The following SECISBP2 variants were observed in gnomAD, a reference collection of about 807,000 sequenced individuals.
The protein encoded by SECISBP2 is SECIS binding protein 2.
A neutral mutation model predicts 98.2 loss-of-function variants in SECISBP2; 96 were observed. That is an observed-to-expected ratio of 0.98 (90% CI 0.83 to 1.16). The LOEUF (loss-of-function observed/expected upper bound fraction) is 1.16. SECISBP2 is among the 50% of genes most tolerant of loss of function. The pLI is 0.00. For missense variants in SECISBP2, 1,046 were observed against 1,022.9 expected, an observed-to-expected ratio of 1.02 and a Z score of -0.31; for synonymous variants, 407 against 370.2, an observed-to-expected ratio of 1.10 and a Z score of -1.14.
At chr9:89,345,282 C>T (rs1046897785) in intron 10 of SECISBP2, among the ~76,000 whole-genome samples, 1 of 152,196 alleles carries the variant, frequency 6.6e-6, no homozygotes, top group Non-Finnish European at 1.5e-5. Context: ...TTGCTGAAAT[C>T]ACTACTTTAA....
Position 89,325,988 on chromosome 9 carries a change from C to T in SECISBP2, c.524C>T (p.Ala175Val), listed in dbSNP as rs1176363256. The change falls in exon 4 of 17, where the codon GCT becomes GTT. Residue 175 changes from alanine (A) to valine (V), a missense_variant. Physicochemically the swap from Ala to Val is moderately conservative, Grantham distance 64 (BLOSUM62 0). Transcript: ENST00000375807. ...ACTATATCATCTGAGATAAAATCAG[C>T]TAGAGGTTCACATCATTTGTCCATT... ...DGTISSEIKSARGSHHLSIYA... is the reference protein window; with the variant it reads ...DGTISSEIKSVRGSHHLSIYA... 1 of 1,613,750 alleles carries T rather than the reference C, an allele frequency of 6.2e-7. No individual in the cohort carries two copies. Among genetic ancestry groups the T allele is most frequent in the African/African-American group, 1.3e-5 (1 of 74,918 alleles).
chr9:89,348,356 C>G (rs986411708), intron 12 of SECISBP2, 142 bp downstream of exon 12: 2 of 915,512 alleles, frequency 2.2e-6, no homozygotes, highest in African/African-American at 3.2e-5. Context: ...GAGCTCCCAG[C>G]TTTACAGGGA....
At chr9:89,355,019 C>T in intron 14 of SECISBP2, 1 of 985,434 alleles carries the variant, frequency 1.0e-6, no homozygotes, top group Non-Finnish European at 1.2e-6. Context: ...GAGGCTGCCT[C>T]CTCATCACTT....
chr9:89,341,563 A>C (rs1038397596), intron 10 of SECISBP2, 84 bp downstream of exon 10: 2 of 1,509,736 alleles, frequency 1.3e-6, no homozygotes, highest in East Asian at 2.3e-5. Flanking sequence ...CTTGTTATCA[A>C]AAGTTATTTA....
chr9:89,324,994 C>G, intron 2 of SECISBP2: 1 of 262,426 alleles, frequency 3.8e-6, no homozygotes. Context: ...CGCAGGATGT[C>G]ATGGTGGGCT....
intron 9 of SECISBP2, among the ~76,000 whole-genome samples, chr9:89,341,054 C>T (rs186369774): frequency 2.0e-5 from 3 of 151,964 alleles, no homozygotes; most frequent in Non-Finnish European, 2.9e-5. Flanking sequence ...TATACAAGTG[C>T]TAGTGTCTTG....
At position 89,348,992 on chromosome 9, in the gene SECISBP2, C is replaced by G. The variant is rs148617304; in HGVS notation, c.1738+778C>G. ...AGTGTTGTATGTGTCTTAAAGGACA[C>G]AAGCACTCGTTCCTGTGGGGCATTA... On this transcript the variant is annotated intron_variant, in intron 12 of 16. Transcript: ENST00000375807. 8.0e-3 allele frequency among the ~76,000 whole-genome samples: 1,214 copies of G among 152,362 alleles called. 16 individuals are homozygous for G. The highest frequency in any genetic ancestry group is 0.028 in the African/African-American group (1,146 of 41,576).
chr9:89,349,509 G>A (rs1296897209), intron 12 of SECISBP2, among the ~76,000 whole-genome samples: 2 of 152,218 alleles, frequency 1.3e-5, no homozygotes, highest in Non-Finnish European at 2.9e-5. Flanking sequence ...TAATATTGAT[G>A]TATATTTTAC....
intron 16 of SECISBP2, 83 bp from the exon 17 acceptor site, chr9:89,358,638 C>A (rs1832466823): frequency 1.1e-6 from 1 of 906,072 alleles, no homozygotes; most frequent in Admixed American, 1.9e-5. Flanking sequence ...CACAGGCTCC[C>A]TCTCTCATGC....
chr9:89,344,412 G>A (rs558330880), intron 10 of SECISBP2, among the ~76,000 whole-genome samples: 1 of 152,208 alleles, frequency 6.6e-6, no homozygotes, highest in African/African-American at 2.4e-5. Context: ...GTATTGCCTG[G>A]GTTGTCTTTC....
Position 89,359,141 on chromosome 9 carries a change from C to G in SECISBP2, c.*317C>G, listed in dbSNP as rs1832546999. ...AATACTTTGGCTGCTAAGGAAACTTCCTCTCCATTGCAGAATAGCTGAGCC... is the reference window on the plus strand; with the variant it reads ...AATACTTTGGCTGCTAAGGAAACTTGCTCTCCATTGCAGAATAGCTGAGCC... On this transcript the variant is annotated 3_prime_UTR_variant, in exon 17 of 17. Transcript: ENST00000375807. The G allele has an allele frequency of 2.7e-6, 1 of 366,704 alleles. No homozygotes were observed. Among genetic ancestry groups the G allele is most frequent in the Admixed American group, 4.0e-5 (1 of 24,980 alleles). The allele number at this position is 366,704 out of a possible 1,614,324, so 22.7% of individuals were successfully genotyped here.
At position 89,328,695 on chromosome 9, in the gene SECISBP2, A is replaced by G. The variant is rs1564341747; in HGVS notation, c.610A>G (p.Ile204Val). The change falls in exon 5 of 17, where the codon ATC (isoleucine) becomes GTC (valine). Residue 204 changes from isoleucine (I) to valine (V), a missense_variant. Physicochemically the swap from Ile to Val is conservative, Grantham distance 29. Coordinates refer to ENST00000375807, the MANE Select transcript of SECISBP2 (RefSeq NM_024077.5). ...TAAGCGAACAGACAGGAAATCCAGA[A>G]TCATTGCAAAAAATGTATCTACCTC... is the stretch of plus-strand genomic sequence containing the variant. ...YHKRTDRKSR[I>V]IAKNVSTSKP... is the part of the protein sequence containing the mutation. 6.2e-7 allele frequency: 1 copy of G among 1,614,092 alleles called. No homozygotes were observed. The highest frequency in any genetic ancestry group is 8.5e-7 in the Non-Finnish European group (1 of 1,180,020).
chr9:89,321,395 G>A (rs1443224794), intron 2 of SECISBP2, among the ~76,000 whole-genome samples: 1 of 152,246 alleles, frequency 6.6e-6, no homozygotes, highest in African/African-American at 2.4e-5. Flanking sequence ...GGCCGGGTGT[G>A]GTGGCTCATG....
intron 14 of SECISBP2, chr9:89,355,288 G>A: frequency 3.0e-6 from 3 of 985,452 alleles, no homozygotes; most frequent in Non-Finnish European, 3.6e-6. Flanking sequence ...CTGTAGGCCA[G>A]ATGCCTGGCC....
downstream of SECISBP2, among the ~76,000 whole-genome samples, chr9:89,360,631 C>T (rs942815175): frequency 6.6e-6 from 1 of 152,174 alleles, no homozygotes; most frequent in Non-Finnish European, 1.5e-5. Flanking sequence ...ACCAAACTCT[C>T]ATCACATGGT....
chr9:89,364,032 C>T (rs765960446), downstream of SECISBP2: 47 of 1,611,012 alleles, frequency 2.9e-5, no homozygotes, highest in Middle Eastern at 1.6e-4. Context: ...GGGGGGTTAC[C>T]TCTGCTGTCC....
downstream of SECISBP2, chr9:89,363,577 C>T (rs777527127): frequency 4.8e-5 from 77 of 1,609,614 alleles, no homozygotes; most frequent in Middle Eastern, 6.6e-4. Context: ...GCCTTTATGG[C>T]ACCCTTGATG....
chr9:89,346,774 G>C, intron 10 of SECISBP2, 108 bp from the exon 11 acceptor site: 1 of 1,297,766 alleles, frequency 7.7e-7, no homozygotes, highest in Non-Finnish European at 1.1e-6. Context: ...GGGTGACTTG[G>C]CAAACTCCTT....
At position 89,334,732 on chromosome 9, in the gene SECISBP2, T is replaced by C; in HGVS notation, c.1089+2T>C. ...CACATTATTCATCCTACCCAAAAGG[T>C]ACGTGTCACTAGAGACAGAAAGTAG... On this transcript the variant is annotated splice_donor_variant, in intron 7 of 16. Coordinates refer to ENST00000375807, the MANE Select transcript of SECISBP2 (RefSeq NM_024077.5). LOFTEE classifies it high-confidence loss of function. The C allele has an allele frequency of 6.2e-7, 1 of 1,608,240 alleles. No homozygotes were observed. Among genetic ancestry groups the C allele is most frequent in the Non-Finnish European group, 8.5e-7 (1 of 1,176,482 alleles).
Sources: allele counts gnomAD v4.1 joint callset (sites outside exome capture counted in the v4.1 genomes callset), GRCh38; gene constraint gnomAD v4.1.1; transcripts MANE v1.5; gene names NCBI Gene and HGNC (gene_info 2026-07-23, HGNC 2026-07-21).